The following AP2A1 variants were observed in gnomAD, a reference collection of about 807,000 sequenced individuals.
The protein encoded by AP2A1 is AP-2 complex subunit alpha-1.
Under a neutral mutation model 107.3 loss-of-function variants are expected in AP2A1, and 21 were observed. That is an observed-to-expected ratio of 0.20 (90% CI 0.14 to 0.28). The LOEUF (loss-of-function observed/expected upper bound fraction) is 0.28. Ranked by LOEUF, AP2A1 falls within the 10% of genes least tolerant of loss-of-function variation. The pLI, the probability that AP2A1 is intolerant of heterozygous loss-of-function variation, is 1.00. For synonymous variants in AP2A1, 602 were observed against 564.8 expected (o/e 1.07, Z -0.93); for missense variants, 873 against 1,307.7 (o/e 0.67, Z 5.13).
At chr19:49,795,602 C>CCCACAA in intron 6 of AP2A1, 28 bp from the exon 7 acceptor site, 14 of 1,236,808 alleles carry the variant, frequency 1.1e-5, no homozygotes, top group African/African-American at 1.5e-5. Flanking sequence ...CCCCAGCCCC[C>CCCACAA]AACTTATTTC....
chr19:49,774,208 A>T (rs766339875), intron 1 of AP2A1, among the ~76,000 whole-genome samples: 1 of 152,158 alleles, frequency 6.6e-6, no homozygotes, highest in Admixed American at 6.6e-5. Context: ...TTGGTCCACA[A>T]ATCCGCATTC....
chr19:49,786,461 T>C (rs2084738379), intron 4 of AP2A1, among the ~76,000 whole-genome samples: 1 of 152,246 alleles, frequency 6.6e-6, no homozygotes, highest in Non-Finnish European at 1.5e-5. Flanking sequence ...GGGGCTGTTG[T>C]ATCTGACAGC....
At chr19:49,784,688 A>G (rs968366984) in intron 4 of AP2A1, among the ~76,000 whole-genome samples, 1 of 152,106 alleles carries the variant, frequency 6.6e-6, no homozygotes, top group African/African-American at 2.4e-5. Flanking sequence ...GATCAGCAAC[A>G]TAGTGAGACC....
rs1308252347 is a variant in AP2A1 at position 49,805,865 on chromosome 19, T to TC, written c.2586-3dup. The TC allele has an allele frequency of 1.2e-6, 2 of 1,613,586 alleles. No individual in the cohort carries two copies. Among genetic ancestry groups the TC allele is most frequent in the East Asian group, 2.2e-5 (1 of 44,878 alleles). ...AGGTCCCTGACTTGAACCTTCCCGG[T>TC]CCCCAGCCCTCAACAGGAGGCGCAG... On this transcript the variant is annotated splice_region_variant and splice_polypyrimidine_tract_variant and intron_variant, in intron 20 of 22. Transcript: ENST00000354293.
intron 1 of AP2A1, among the ~76,000 whole-genome samples, chr19:49,770,562 C>T (rs1298449946): frequency 6.6e-6 from 1 of 152,062 alleles, no homozygotes. Flanking sequence ...TCATGATAGC[C>T]GGAAAACAGA....
In AP2A1 at chr19:49,791,977, C is replaced by T; in HGVS notation, c.516C>T (p.Leu172=). 1 of 1,612,434 alleles carries T rather than the reference C, an allele frequency of 6.2e-7. No homozygotes were observed. The highest frequency in any genetic ancestry group is 8.5e-7 in the Non-Finnish European group (1 of 1,179,416). The change falls in exon 5 of 23, where the codon CTC becomes CTT. Residue 172 remains leucine, a synonymous_variant. Coordinates refer to ENST00000354293, the MANE Select transcript of AP2A1 (RefSeq NM_130787.3). ...DSVKQSAALC[L]LRLYKASPDL... is the part of the protein sequence containing the mutation. ...TCAAGCAGAGTGCGGCCCTGTGCCT[C>T]CTTCGACTGTACAAGGCCTCGCCTG...
chr19:49,800,718 G>A (rs1019002116), intron 11 of AP2A1: 15 of 415,298 alleles, frequency 3.6e-5, no homozygotes, highest in Admixed American at 8.6e-5. Context: ...CAATCTGCCC[G>A]CCTCGGCCTC....
At chr19:49,791,083 T>C (rs2073136919) in intron 4 of AP2A1, among the ~76,000 whole-genome samples, 1 of 152,258 alleles carries the variant, frequency 6.6e-6, no homozygotes, top group Admixed American at 6.5e-5. Flanking sequence ...GGCCGCAGCC[T>C]GCAGGCCTCC....
rs1162655083 is a variant in AP2A1, at chr19:49,782,815, C to G, written c.473+91C>G. 2.2e-6 allele frequency: 3 copies of G among 1,388,822 alleles called. No individual in the cohort carries two copies. The African/African-American group carries it at 4.3e-5, about 20-fold the overall frequency. 86.0% of individuals were successfully genotyped at this position (1,388,822 alleles called of 1,614,324 possible). ...GCTCAGAGAGGCTCTGTTGCCTGCC[C>G]AAGGTCTCCCAGCCGAGATGTGGGC... On this transcript the variant is annotated intron_variant, in intron 4 of 22. Coordinates refer to ENST00000354293, the MANE Select transcript of AP2A1 (RefSeq NM_130787.3).
Position 49,799,545 on chromosome 19 carries a change from C to CCAGAGGCT in AP2A1, c.1134+58_1134+65dup, listed in dbSNP as rs781293081. The CCAGAGGCT allele has an allele frequency of 1.9e-6, 3 of 1,603,560 alleles. No individual in the cohort carries two copies. The African/African-American group carries it at 4.0e-5, about 21-fold the overall frequency. ...GGGCCTGCCACCCCCCTCAGAAAGA[C>CCAGAGGCT]CAGAGGCTCAGAGGCCCTTGGGTGG... On this transcript the variant is annotated intron_variant, in intron 9 of 22. Coordinates refer to ENST00000354293, the MANE Select transcript of AP2A1 (RefSeq NM_130787.3).
At chr19:49,771,670 A>AAATGCTGAG (rs1305311006) in intron 1 of AP2A1, among the ~76,000 whole-genome samples, 1 of 151,970 alleles carries the variant, frequency 6.6e-6, no homozygotes, top group African/African-American at 2.4e-5. Flanking sequence ...CAGCCTCACA[A>AAATGCTGAG]AATGCTGAGA....
At chr19:49,802,880 T>G in intron 15 of AP2A1, 69 bp from the exon 16 acceptor site, 1 of 1,529,736 alleles carries the variant, frequency 6.5e-7, no homozygotes, top group Non-Finnish European at 8.9e-7. Flanking sequence ...GTTCTCGCAC[T>G]CAATCGCTCT....
intron 4 of AP2A1, among the ~76,000 whole-genome samples, chr19:49,790,002 TCTG>T (rs1408039826): frequency 6.6e-6 from 1 of 152,232 alleles, no homozygotes; most frequent in Non-Finnish European, 1.5e-5. Context: ...GCTGCCAGGT[TCTG>T]TGCCAGGCAA....
At position 49,778,451 on chromosome 19, in the gene AP2A1, C is replaced by T. The variant is rs563502270; in HGVS notation, c.68-3306C>T. Among the ~76,000 whole-genome samples the T allele has an allele frequency of 5.3e-5, 8 of 152,134 alleles. No individual in the cohort carries two copies. In the South Asian group the frequency reaches 6.2e-4, roughly 12 times the overall value. On this transcript the variant is annotated intron_variant, in intron 1 of 22. Transcript: ENST00000354293. ...TACACTAATTAGCTGGGTGTGGTGA[C>T]GCATGCCTGTCATCCCAGCTACTCA... is the stretch of plus-strand genomic sequence containing the variant.
At chr19:49,771,955 A>G (rs1253589183) in intron 1 of AP2A1, among the ~76,000 whole-genome samples, 2 of 152,130 alleles carry the variant, frequency 1.3e-5, no homozygotes, top group Admixed American at 1.3e-4. Context: ...TCCGGACGCC[A>G]TGGCGGGCAT....
chr19:49,774,860 A>C (rs990843136), intron 1 of AP2A1, among the ~76,000 whole-genome samples: 1 of 150,668 alleles, frequency 6.6e-6, no homozygotes, highest in African/African-American at 2.4e-5. Flanking sequence ...TGGAGGTTGC[A>C]GTGAGCCGAG....
chr19:49,797,767 GT>G (rs1390612122), intron 7 of AP2A1, among the ~76,000 whole-genome samples: 1 of 152,078 alleles, frequency 6.6e-6, no homozygotes, highest in African/African-American at 2.4e-5. Context: ...ATATATCACA[GT>G]ACAATCTAGG....
chr19:49,771,534 G>A lies in AP2A1; in HGVS notation c.67+4334G>A, dbSNP rs905869844. Among the ~76,000 whole-genome samples, 5 of 151,060 alleles carry A rather than the reference G, an allele frequency of 3.3e-5. No individual in the cohort carries two copies. The East Asian group carries it at 9.8e-4, about 30-fold the overall frequency. The stretch of plus-strand genomic sequence containing the variant: ...AGCGATTCTCCTGCCTCAGCCTCCC[G>A]AGTAGCTGGGATTATAGGCGCCCGC... On this transcript the variant is annotated intron_variant, in intron 1 of 22. Coordinates refer to ENST00000354293, the MANE Select transcript of AP2A1 (RefSeq NM_130787.3).
intron 4 of AP2A1, among the ~76,000 whole-genome samples, chr19:49,783,421 G>A (rs1479995885): frequency 6.6e-6 from 1 of 152,138 alleles, no homozygotes; most frequent in Non-Finnish European, 1.5e-5. Flanking sequence ...AGCTGGGGAG[G>A]CCTAGGCTGC....
Sources: allele counts gnomAD v4.1 joint callset (sites outside exome capture counted in the v4.1 genomes callset), GRCh38; gene constraint gnomAD v4.1.1; transcripts MANE v1.5; gene names NCBI Gene and HGNC (gene_info 2026-07-23, HGNC 2026-07-21).